The following ADGRL2 variants were observed in gnomAD, a reference collection of about 807,000 sequenced individuals.
The protein encoded by ADGRL2 is adhesion G protein-coupled receptor L2, also known as calcium-independent alpha-latrotoxin receptor 2.
ADGRL2 carries 44 observed loss-of-function variants against 157.4 expected under a neutral mutation model. That is an observed-to-expected ratio of 0.28 (90% CI 0.22 to 0.36). The LOEUF (loss-of-function observed/expected upper bound fraction) is 0.36, where lower values mean the gene tolerates loss of function less well. ADGRL2 is among the 10% of genes least tolerant of loss of function. The probability of loss-of-function intolerance (pLI) is 1.00; values close to 1 mark genes in which losing one functional copy is unlikely to be tolerated. For synonymous variants in ADGRL2, 585 were observed against 624.7 expected (o/e 0.94, Z 0.95); for missense variants, 1,510 against 1,768.9 (o/e 0.85, Z 2.63).
chr1:81,907,127 G>T lies in ADGRL2; in HGVS notation c.184G>T (p.Ala62Ser). The part of the protein sequence containing the change: ...PGSDVIMIES[A>S]NYGRTDDKIC... ...CAGTGATGTCATCATGATTGAGAGC[G>T]CTAACTATGGTCGGACGGATGACAA... The change falls in exon 3 of 24, where the codon GCT (alanine) becomes TCT (serine). Residue 62 changes from alanine to serine, a missense_variant. By Grantham distance (99) the Ala-to-Ser change is moderately conservative. Coordinates refer to ENST00000686636, the MANE Select transcript of ADGRL2 (RefSeq NM_001366006.2). 6.2e-7 allele frequency: 1 copy of T among 1,613,992 alleles called. No individual in the cohort carries two copies. The highest frequency in any genetic ancestry group is 8.5e-7 in the Non-Finnish European group (1 of 1,179,938).
chr1:81,792,476 A>T (rs919638155), intron 2 of ADGRL2, among the ~76,000 whole-genome samples: 1 of 152,070 alleles, frequency 6.6e-6, no homozygotes, highest in Non-Finnish European at 1.5e-5. Flanking sequence ...GCATATATAT[A>T]TTTTTTACAG....
rs932531100 is a variant in ADGRL2, at chr1:81,992,211, A to G, written c.*1066A>G. The G allele has an allele frequency of 1.3e-5, 2 of 152,514 alleles. No individual in the cohort carries two copies. Among genetic ancestry groups the G allele is most frequent in the African/African-American group, 4.8e-5 (2 of 41,436 alleles). The allele number at this position is 152,514 out of a possible 1,614,324, so 9.4% of individuals were successfully genotyped here. A position where few individuals can be genotyped will look rare whatever the true frequency, so the allele number is the denominator to read the frequency against. ...TATTCTTTTTTAAAAAAATAAAATA[A>G]AACATAAATATTACTCTTCCATATT... On this transcript the variant is annotated 3_prime_UTR_variant, in exon 24 of 24. Transcript: ENST00000686636.
At position 81,990,883 on chromosome 1, in the gene ADGRL2, C is replaced by G; in HGVS notation, c.4148C>G (p.Thr1383Arg). The change falls in exon 24 of 24, where the codon ACA becomes AGA. Residue 1383 changes from threonine (T) to arginine (R), a missense_variant. This residue lies in a region of ADGRL2 where 327 missense variants were observed against 310.1 expected (regional missense o/e 1.05). Coordinates refer to ENST00000686636, the MANE Select transcript of ADGRL2 (RefSeq NM_001366006.2). ...TCCCCCAACAGAGACTCTCTTTATACAAGCATGCCCAATCTTAGAGACTCT... is the reference window on the plus strand; with the variant it reads ...TCCCCCAACAGAGACTCTCTTTATAGAAGCATGCCCAATCTTAGAGACTCT... ...LQSPNRDSLY[T>R]SMPNLRDSPY... 6.2e-7 allele frequency: 1 copy of G among 1,614,100 alleles called. No homozygotes were observed. The highest frequency in any genetic ancestry group is 8.5e-7 in the Non-Finnish European group (1 of 1,180,014).
At chr1:81,331,461 A>G (rs943885286) in intron 1 of ADGRL2, among the ~76,000 whole-genome samples, 2 of 152,184 alleles carry the variant, frequency 1.3e-5, no homozygotes, top group African/African-American at 4.8e-5. Context: ...GGCATGATAC[A>G]GCAATAAATA....
At chr1:81,388,733 G>A (rs72713457) in intron 1 of ADGRL2, among the ~76,000 whole-genome samples, 9,287 of 152,154 alleles carry the variant, frequency 0.061, 298 homozygotes, top group Middle Eastern at 0.082. Flanking sequence ...GAACTTCCCA[G>A]ACCTATCCCT....
intron 2 of ADGRL2, among the ~76,000 whole-genome samples, chr1:81,575,100 A>G (rs2080771606): frequency 6.6e-6 from 1 of 152,200 alleles, no homozygotes; most frequent in Admixed American, 6.6e-5. Flanking sequence ...TATATGGACT[A>G]ATTTCAAAAC....
intron 3 of ADGRL2, among the ~76,000 whole-genome samples, chr1:81,666,704 A>G (rs1327257412): frequency 6.6e-6 from 1 of 152,164 alleles, no homozygotes; most frequent in African/African-American, 2.4e-5. Context: ...ATTTGTTACC[A>G]GATAGAATGT....
chr1:81,859,724 A>G (rs918242349), intron 2 of ADGRL2, among the ~76,000 whole-genome samples: 1 of 152,072 alleles, frequency 6.6e-6, no homozygotes, highest in Non-Finnish European at 1.5e-5. Context: ...TAAAATTTTT[A>G]ATGTTATTTA....
At chr1:81,869,296 A>AGG (rs2093631338) in intron 2 of ADGRL2, among the ~76,000 whole-genome samples, 1 of 152,204 alleles carries the variant, frequency 6.6e-6, no homozygotes, top group South Asian at 2.1e-4. Context: ...TGTCGAGAAT[A>AGG]TAAAAATTTA....
intron 1 of ADGRL2, among the ~76,000 whole-genome samples, chr1:81,749,442 C>T (rs968333955): frequency 6.6e-6 from 1 of 152,090 alleles, no homozygotes; most frequent in African/African-American, 2.4e-5. Context: ...TCTTCATTTT[C>T]CTTCCCAGTA....
chr1:81,349,961 C>A (rs963625007), intron 1 of ADGRL2, among the ~76,000 whole-genome samples: 1 of 152,084 alleles, frequency 6.6e-6, no homozygotes, highest in Non-Finnish European at 1.5e-5. Flanking sequence ...TTCTCATGCT[C>A]TTTTATCATT....
intron 3 of ADGRL2, among the ~76,000 whole-genome samples, chr1:81,677,392 G>A (rs988368423): frequency 4.6e-5 from 7 of 152,124 alleles, no homozygotes; most frequent in Admixed American, 6.5e-5. Flanking sequence ...TCATATAGCC[G>A]GAATAAAACC....
chr1:81,780,460 A>G (rs112396635), intron 2 of ADGRL2, among the ~76,000 whole-genome samples: 2,410 of 152,092 alleles, frequency 0.016, 49 homozygotes, highest in African/African-American at 0.049. Context: ...TGGACCCTCT[A>G]CTCATCTACT....
In ADGRL2 at chr1:81,640,322, A is replaced by G. The variant is rs536746591; in HGVS notation, c.-143+59342A>G. Among the ~76,000 whole-genome samples the G allele has an allele frequency of 2.6e-5, 4 of 152,192 alleles. No homozygotes were observed. The South Asian group carries it at 8.3e-4, about 32-fold the overall frequency. On this transcript the variant is annotated intron_variant, in intron 3 of 24. Transcript: ENST00000370721. Reference sequence around the variant, plus strand: ...AGAGAAACCTAGATGAGCATGACCAAAAGGAGAAATTGTCAAATAAAAAAT... The same window carrying G: ...AGAGAAACCTAGATGAGCATGACCAGAAGGAGAAATTGTCAAATAAAAAAT...
At chr1:81,910,271 T>TAATAATAATAATAATAATAAC (rs772743285) in intron 3 of ADGRL2, among the ~76,000 whole-genome samples, 2 of 149,802 alleles carry the variant, frequency 1.3e-5, no homozygotes, top group East Asian at 2.0e-4. Flanking sequence ...ATAATAATAA[T>TAATAATAATAATAATAATAAC]AATACTACAA....
At chr1:81,513,651 G>A (rs1012975034) in intron 2 of ADGRL2, among the ~76,000 whole-genome samples, 6 of 152,078 alleles carry the variant, frequency 3.9e-5, no homozygotes, top group African/African-American at 1.2e-4. Context: ...TGAATCAAAA[G>A]CTTACACTTT....
chr1:81,696,048 C>A (rs1253400496), upstream of ADGRL2, among the ~76,000 whole-genome samples: 1 of 152,104 alleles, frequency 6.6e-6, no homozygotes, highest in Non-Finnish European at 1.5e-5. Flanking sequence ...CCCAGAAGGA[C>A]CTAGACTTTC....
At chr1:81,852,270 G>A (rs1053569393) in intron 2 of ADGRL2, among the ~76,000 whole-genome samples, 4 of 152,070 alleles carry the variant, frequency 2.6e-5, no homozygotes, top group African/African-American at 9.7e-5. Flanking sequence ...TGGTACCAGT[G>A]AAAGTAGCTG....
chr1:81,807,749 G>T (rs1456021352), intron 1 of ADGRL2, among the ~76,000 whole-genome samples: 1 of 151,844 alleles, frequency 6.6e-6, no homozygotes, highest in East Asian at 1.9e-4. Flanking sequence ...GTTAAGTATA[G>T]AAATTTTCTT....
Sources: allele counts gnomAD v4.1 joint callset (sites outside exome capture counted in the v4.1 genomes callset), GRCh38; gene constraint gnomAD v4.1.1; regional missense constraint gnomAD v4.1.1; transcripts MANE v1.5; gene names NCBI Gene and HGNC (gene_info 2026-07-23, HGNC 2026-07-21).